Variants in CDK8 observed in about 807,000 individuals in gnomAD.
CDK8 encodes the protein cyclin dependent kinase 8.
A neutral mutation model predicts 71.5 loss-of-function variants in CDK8; 29 were observed. That is an observed-to-expected ratio of 0.41 (90% CI 0.30 to 0.55). CDK8 has a LOEUF of 0.55. CDK8 is among the 20% of genes least tolerant of loss of function. CDK8 has a pLI of 0.37. For missense variants in CDK8, 288 were observed against 572.6 expected, an observed-to-expected ratio of 0.50 and a Z score of 5.07; for synonymous variants, 161 against 192.1, an observed-to-expected ratio of 0.84 and a Z score of 1.34.
chr13:26,347,515 A>G (rs1448996876), intron 2 of CDK8, among the ~76,000 whole-genome samples: 1 of 152,176 alleles, frequency 6.6e-6, no homozygotes, highest in African/African-American at 2.4e-5. Flanking sequence ...AATGGGAGAA[A>G]GTTTTATAAA....
chr13:26,328,730 A>G (rs1593266668), intron 1 of CDK8, among the ~76,000 whole-genome samples: 1 of 152,004 alleles, frequency 6.6e-6, no homozygotes, highest in South Asian at 2.1e-4. Context: ...GGATAGGCCT[A>G]TTTTCATTTA....
intron 2 of CDK8, among the ~76,000 whole-genome samples, chr13:26,345,838 T>G (rs1483830577): frequency 6.6e-6 from 1 of 152,242 alleles, no homozygotes; most frequent in East Asian, 1.9e-4. Context: ...AATCATTTAT[T>G]CGTGTGTTTA....
Position 26,271,806 on chromosome 13 carries a change from CTTTTTTTTT to C in CDK8, c.128+17065_128+17073del, listed in dbSNP as rs58160694. On this transcript the variant is annotated intron_variant, in intron 1 of 12. Coordinates refer to ENST00000381527, the MANE Select transcript of CDK8 (RefSeq NM_001260.3). ...CCTGGGGGACAGAGTGAGACCCTGT[CTTTTTTTTT>C]TTTTTTTTTTTTTTTTTTTTTTTTT... 3.1e-3 allele frequency among the ~76,000 whole-genome samples: 196 copies of C among 62,630 alleles called. 4 individuals carry two copies. Among genetic ancestry groups the C allele is most frequent in the African/African-American group, 0.016 (180 of 11,512 alleles). The allele number at this position is 62,630 out of a possible 152,430, so 41.1% of individuals were successfully genotyped here. A position where few individuals can be genotyped will look rare whatever the true frequency, so the allele number is the denominator to read the frequency against.
chr13:26,256,583 C>G (rs982218252), intron 1 of CDK8, among the ~76,000 whole-genome samples: 2 of 152,172 alleles, frequency 1.3e-5, no homozygotes, highest in Admixed American at 1.3e-4. Flanking sequence ...TATTAGAAAA[C>G]TAATACTGTG....
chr13:26,403,491 A>G (rs1345998050), intron 12 of CDK8, among the ~76,000 whole-genome samples: 1 of 152,228 alleles, frequency 6.6e-6, no homozygotes, highest in Non-Finnish European at 1.5e-5. Context: ...ATAAAAATGT[A>G]TTAATGCCAA....
intron 1 of CDK8, among the ~76,000 whole-genome samples, chr13:26,308,525 G>C (rs1400493468): frequency 6.6e-6 from 1 of 152,242 alleles, no homozygotes; most frequent in Non-Finnish European, 1.5e-5. Flanking sequence ...TAATAGATAA[G>C]ATATGCCTTC....
chr13:26,344,852 T>G (rs565037739), intron 2 of CDK8, among the ~76,000 whole-genome samples: 1 of 152,190 alleles, frequency 6.6e-6, no homozygotes, highest in South Asian at 2.1e-4. Flanking sequence ...GAGGATATTT[T>G]ACAGTTAACT....
intron 12 of CDK8, among the ~76,000 whole-genome samples, chr13:26,403,457 GA>G (rs931287725): frequency 1.4e-4 from 20 of 147,016 alleles, no homozygotes; most frequent in East Asian, 7.9e-4. Context: ...TGTCTCAAAA[GA>G]AAAAAAAAAT....
At chr13:26,377,308 C>G (rs1342633693) in intron 4 of CDK8, among the ~76,000 whole-genome samples, 4 of 152,248 alleles carry the variant, frequency 2.6e-5, no homozygotes, top group Non-Finnish European at 5.9e-5. Context: ...CTGTGAAGCT[C>G]TCCCATTCCT....
chr13:26,404,541 G>T lies in CDK8; in HGVS notation c.*460G>T, dbSNP rs1321678198. On this transcript the variant is annotated 3_prime_UTR_variant, in exon 13 of 13. Coordinates refer to ENST00000381527, the MANE Select transcript of CDK8 (RefSeq NM_001260.3). ...TATGTTAACGAAATAACCAAGACTC[G>T]AAATGAGATTATTTTGGTACACCTT... 3 of 232,666 alleles carry T rather than the reference G, an allele frequency of 1.3e-5. No individual in the cohort carries two copies. Among genetic ancestry groups the T allele is most frequent in the East Asian group, 6.1e-5 (1 of 16,458 alleles). The allele number at this position is 232,666 out of a possible 1,614,324, so 14.4% of individuals were successfully genotyped here. A position where few individuals can be genotyped will look rare whatever the true frequency, so the allele number is the denominator to read the frequency against.
At chr13:26,263,749 CT>C (rs577266586) in intron 1 of CDK8, among the ~76,000 whole-genome samples, 15,016 of 131,774 alleles carry the variant, frequency 0.11, 2,291 homozygotes, top group African/African-American at 0.36. Flanking sequence ...AAAAGACTCC[CT>C]TTTTTTTTTT....
chr13:26,295,384 A>T (rs950714292), intron 1 of CDK8, among the ~76,000 whole-genome samples: 3 of 152,158 alleles, frequency 2.0e-5, no homozygotes, highest in Non-Finnish European at 4.4e-5. Flanking sequence ...TCCTGCCTTT[A>T]CAGAATCTTA....
chr13:26,329,469 G>GTTTTTTTTTTTTTTTTTTT (rs35796023), intron 1 of CDK8, among the ~76,000 whole-genome samples: 1 of 71,570 alleles, frequency 1.4e-5, no homozygotes, highest in Non-Finnish European at 3.3e-5. Flanking sequence ...GCCTATTTCT[G>GTTTTTTTTTTTTTTTTTTT]TTTTTTTTTT....
intron 1 of CDK8, among the ~76,000 whole-genome samples, chr13:26,336,150 C>T (rs1172063834): frequency 6.6e-6 from 1 of 152,082 alleles, no homozygotes; most frequent in African/African-American, 2.4e-5. Context: ...CACATACACA[C>T]ATACACACAC....
chr13:26,341,672 TATG>T (rs1873244382), intron 2 of CDK8, among the ~76,000 whole-genome samples: 2 of 152,210 alleles, frequency 1.3e-5, no homozygotes, highest in African/African-American at 2.4e-5. Context: ...TTCTCACCAT[TATG>T]ATATTTATTG....
chr13:26,259,456 A>G (rs990413147), intron 1 of CDK8, among the ~76,000 whole-genome samples: 12 of 152,154 alleles, frequency 7.9e-5, no homozygotes, highest in African/African-American at 2.9e-4. Flanking sequence ...AGTGTGTGGG[A>G]GGATATGCGT....
rs116496522 is a variant in CDK8 at position 26,357,218 on chromosome 13, G to A, written c.456+3338G>A. ...AGAAGCAGATCAGTAGCTGAAATCC[G>A]GCATCCTTGGTGGGAAAATAGAGAT... On this transcript the variant is annotated intron_variant, in intron 4 of 12. Transcript: ENST00000381527. 4.8e-3 allele frequency among the ~76,000 whole-genome samples: 733 copies of A among 152,190 alleles called. 6 individuals are homozygous for A. The highest frequency in any genetic ancestry group is 0.016 in the African/African-American group (658 of 41,518).
At chr13:26,398,687 G>T in intron 9 of CDK8, among the ~76,000 whole-genome samples, 1 of 151,974 alleles carries the variant, frequency 6.6e-6, no homozygotes, top group East Asian at 1.9e-4. Context: ...AAAATATGTC[G>T]TGTCGGCCTG....
intron 1 of CDK8, among the ~76,000 whole-genome samples, chr13:26,322,623 A>G (rs1365856114): frequency 6.6e-6 from 1 of 152,198 alleles, no homozygotes; most frequent in Non-Finnish European, 1.5e-5. Flanking sequence ...TAGGCAGCCA[A>G]GGTGAGTTTA....
Sources: allele counts gnomAD v4.1 joint callset (sites outside exome capture counted in the v4.1 genomes callset), GRCh38; gene constraint gnomAD v4.1.1; transcripts MANE v1.5; gene names NCBI Gene and HGNC (gene_info 2026-07-23, HGNC 2026-07-21).